DNAI3: variants seen among roughly 807,000 people sequenced by gnomAD.
The protein encoded by DNAI3 is dynein axonemal intermediate chain 3, also known as WD repeat domain 63.
DNAI3 carries 83 observed loss-of-function variants against 115.5 expected under a neutral mutation model. The observed-to-expected ratio is 0.72, with a 90% confidence interval of 0.60 to 0.86. DNAI3 has a LOEUF of 0.86. Among genes scored for constraint, DNAI3 ranks in the 40% least tolerant of loss-of-function variants. The probability of loss-of-function intolerance (pLI) is 0.00; values close to 1 mark genes in which losing one functional copy is unlikely to be tolerated. For missense variants in DNAI3, 1,004 were observed against 1,075.8 expected, an observed-to-expected ratio of 0.93 and a Z score of 0.93; for synonymous variants, 320 against 347.0, an observed-to-expected ratio of 0.92 and a Z score of 0.86.
intron 1 of DNAI3, among the ~76,000 whole-genome samples, chr1:85,064,194 A>G (rs1654021751): frequency 1.3e-5 from 2 of 152,322 alleles, no homozygotes; most frequent in East Asian, 1.9e-4. Flanking sequence ...TTCATGGCAC[A>G]AAACAGGGTT....
intron 22 of DNAI3, among the ~76,000 whole-genome samples, chr1:85,132,408 T>A (rs913987730): frequency 2.0e-5 from 3 of 152,208 alleles, no homozygotes; most frequent in Non-Finnish European, 4.4e-5. Context: ...TAATCACTGC[T>A]CTAGTTGCAT....
At chr1:85,108,235 A>G in intron 15 of DNAI3, 58 bp downstream of exon 15, 1 of 1,470,524 alleles carries the variant, frequency 6.8e-7, no homozygotes, top group African/African-American at 1.4e-5. Context: ...TTTACTTTGC[A>G]TGCATAGACA....
intron 1 of DNAI3, among the ~76,000 whole-genome samples, chr1:85,070,622 T>C (rs1654245138): frequency 6.6e-6 from 1 of 152,140 alleles, no homozygotes; most frequent in Admixed American, 6.5e-5. Flanking sequence ...GCTAGAAGAA[T>C]TGTAATGTTC....
In DNAI3 at chr1:85,104,611, CA is replaced by C; in HGVS notation, c.1553+17del. ...TTCAGCAGATTGGTAAGTCTTGTTT[CA>C]AACATTTCCTAATGTGTTTTCATAC... On this transcript the variant is annotated intron_variant, in intron 14 of 22. Transcript: ENST00000294664. 1 of 1,611,032 alleles carries C rather than the reference CA, an allele frequency of 6.2e-7. No homozygotes were observed. The highest frequency in any genetic ancestry group is 2.2e-5 in the East Asian group (1 of 44,798).
intron 2 of DNAI3, among the ~76,000 whole-genome samples, chr1:85,072,629 G>C (rs1466299902): frequency 8.0e-6 from 1 of 125,610 alleles, no homozygotes; most frequent in East Asian, 2.3e-4. Flanking sequence ...GCAACAGACT[G>C]AGACTCCATC....
chr1:85,073,961 G>A (rs1349546614), intron 3 of DNAI3, among the ~76,000 whole-genome samples: 1 of 152,118 alleles, frequency 6.6e-6, no homozygotes, highest in Non-Finnish European at 1.5e-5. Context: ...GCTAATGTAA[G>A]TGGCTCTGTT....
intron 16 of DNAI3, among the ~76,000 whole-genome samples, chr1:85,110,362 A>G (rs1655617890): frequency 6.6e-6 from 1 of 151,630 alleles, no homozygotes; most frequent in African/African-American, 2.4e-5. Flanking sequence ...GAGGCAGGAG[A>G]ATGGCGTGAA....
intron 9 of DNAI3, chr1:85,094,074 A>G (rs894192160): frequency 5.5e-5 from 22 of 398,390 alleles, no homozygotes; most frequent in Non-Finnish European, 8.6e-5. Flanking sequence ...ATGTGCAAAG[A>G]TGGAAACATG....
At chr1:85,073,443 C>T (rs144341523) in intron 3 of DNAI3, among the ~76,000 whole-genome samples, 138 of 152,278 alleles carry the variant, frequency 9.1e-4, no homozygotes, top group South Asian at 3.1e-3. Flanking sequence ...CTGTACTTCA[C>T]GCTAAGATGC....
intron 18 of DNAI3, among the ~76,000 whole-genome samples, chr1:85,123,140 C>T (rs183038553): frequency 6.6e-6 from 1 of 152,332 alleles, no homozygotes; most frequent in Non-Finnish European, 1.5e-5. Flanking sequence ...TCAATTCTAG[C>T]TCACAAATAT....
intron 16 of DNAI3, among the ~76,000 whole-genome samples, chr1:85,115,627 C>G (rs143394193): frequency 1.8e-3 from 275 of 151,990 alleles, no homozygotes; most frequent in African/African-American, 6.4e-3. Flanking sequence ...TTCTTTGACT[C>G]TATCATAGCC....
chr1:85,104,672 GTCT>G (rs1655432711), intron 14 of DNAI3, 75 bp downstream of exon 14: 7 of 1,163,006 alleles, frequency 6.0e-6, no homozygotes, highest in Admixed American at 1.8e-5. Context: ...TAAAATCAGT[GTCT>G]TCTTCTCCTT....
intron 22 of DNAI3, 39 bp downstream of exon 22, chr1:85,130,151 A>G: frequency 2.5e-6 from 4 of 1,611,180 alleles, no homozygotes; most frequent in Non-Finnish European, 3.4e-6. Context: ...TTTTCCTCGA[A>G]CACCAGTGGA....
chr1:85,096,497 A>T (rs904585264), intron 11 of DNAI3, among the ~76,000 whole-genome samples: 2 of 140,966 alleles, frequency 1.4e-5, no homozygotes, highest in East Asian at 4.2e-4. Flanking sequence ...ATATATAAAG[A>T]TTATATATAA....
At chr1:85,084,250 G>GTATATATATATATATA (rs33956396) in intron 5 of DNAI3, among the ~76,000 whole-genome samples, 56 of 85,014 alleles carry the variant, frequency 6.6e-4, no homozygotes, top group Admixed American at 2.1e-3. Context: ...TCAGCAGTGT[G>GTATATATATATATATA]TATATATATA....
At chr1:85,113,529 T>C in intron 16 of DNAI3, among the ~76,000 whole-genome samples, 1 of 152,268 alleles carries the variant, frequency 6.6e-6, no homozygotes, top group East Asian at 1.9e-4. Context: ...TATGTGAGTC[T>C]ATTTCTAAAC....
At chr1:85,132,789 C>T (rs2100623599) in intron 22 of DNAI3, 66 bp from the exon 23 acceptor site, 2 of 1,570,036 alleles carry the variant, frequency 1.3e-6, no homozygotes, top group South Asian at 2.4e-5. Context: ...ACAGCCCCTT[C>T]TCATCCTTTG....
chr1:85,110,236 G>A lies in DNAI3; in HGVS notation c.1786+101G>A. On this transcript the variant is annotated intron_variant, in intron 16 of 22. Transcript: ENST00000294664. ...GGAGGCTGAGGCGGGCGGATCACGA[G>A]GTCAGCAGATCGAGATCATCCTGGC... is the stretch of plus-strand genomic sequence containing the variant. 3.1e-6 allele frequency: 3 copies of A among 978,544 alleles called. No homozygotes were observed. In the South Asian group the frequency reaches 4.2e-5, roughly 14 times the overall value. The allele number at this position is 978,544 out of a possible 1,614,324, so 60.6% of individuals were successfully genotyped here. A position where few individuals can be genotyped will look rare whatever the true frequency, so the allele number is the denominator to read the frequency against.
intron 16 of DNAI3, among the ~76,000 whole-genome samples, chr1:85,115,704 G>C (rs1047451074): frequency 6.6e-6 from 1 of 151,582 alleles, no homozygotes; most frequent in Admixed American, 6.6e-5. Flanking sequence ...GGTGGCAGGG[G>C]GAGGTGGGGG....
Sources: allele counts gnomAD v4.1 joint callset (sites outside exome capture counted in the v4.1 genomes callset), GRCh38; gene constraint gnomAD v4.1.1; transcripts MANE v1.5; gene names NCBI Gene and HGNC (gene_info 2026-07-23, HGNC 2026-07-21).